USP12: variants seen among roughly 807,000 people sequenced by gnomAD.
The protein encoded by USP12 is ubiquitin specific peptidase 12.
USP12 carries 19 observed loss-of-function variants against 45.5 expected under a neutral mutation model. The ratio of observed to expected loss-of-function variants is 0.42; its 90% confidence interval spans 0.29 to 0.61. USP12 has a LOEUF of 0.61. Ranked by LOEUF, USP12 falls within the 20% of genes least tolerant of loss-of-function variation. The pLI, the probability that USP12 is intolerant of heterozygous loss-of-function variation, is 0.22. For missense variants in USP12, 242 were observed against 447.7 expected (o/e 0.54, Z 4.15); for synonymous variants, 149 against 148.8 (o/e 1.00, Z -0.01).
chr13:27,105,176 T>C (rs1323599573), intron 3 of USP12, among the ~76,000 whole-genome samples: 2 of 152,180 alleles, frequency 1.3e-5, no homozygotes, highest in Non-Finnish European at 2.9e-5. Flanking sequence ...GAGGTGGGGC[T>C]TACTCAGTAA....
At chr13:27,099,587 T>C (rs1417591367) in intron 3 of USP12, among the ~76,000 whole-genome samples, 1 of 152,226 alleles carries the variant, frequency 6.6e-6, no homozygotes, top group African/African-American at 2.4e-5. Flanking sequence ...TTTCCTTCAG[T>C]TTCACACTGC....
intron 1 of USP12, among the ~76,000 whole-genome samples, chr13:27,151,730 T>C (rs930675856): frequency 1.3e-5 from 2 of 152,016 alleles, no homozygotes; most frequent in African/African-American, 4.8e-5. Context: ...GATGATCATG[T>C]CACTACACTC....
intron 3 of USP12, 125 bp from the exon 4 acceptor site, chr13:27,095,955 T>C (rs1276457270): frequency 7.7e-6 from 5 of 651,178 alleles, no homozygotes; most frequent in Non-Finnish European, 1.2e-5. Context: ...GTTTTTGTAA[T>C]GTATAACAAA....
rs7984452 is a variant in USP12 at position 27,068,387 on chromosome 13, G to A, written c.*896C>T. The A allele has an allele frequency of 4.2e-3, 635 of 152,634 alleles. 3 individuals carry two copies. The highest frequency in any genetic ancestry group is 0.014 in the African/African-American group (601 of 41,528). The allele number at this position is 152,634 out of a possible 1,614,324, so 9.5% of individuals were successfully genotyped here. ...ATAAAAGGACAAATATTTAGCCAGAGATATCAGTTCCTCCTGAAAAAGGAT... is the reference window on the plus strand; with the variant it reads ...ATAAAAGGACAAATATTTAGCCAGAAATATCAGTTCCTCCTGAAAAAGGAT... On this transcript the variant is annotated 3_prime_UTR_variant, in exon 9 of 9. Transcript: ENST00000282344.
At chr13:27,145,224 G>C (rs549429091) in intron 1 of USP12, among the ~76,000 whole-genome samples, 4 of 152,312 alleles carry the variant, frequency 2.6e-5, no homozygotes, top group Non-Finnish European at 4.4e-5. Context: ...CTTGAAGAAT[G>C]ACAGGTGGCC....
At chr13:27,162,093 T>C (rs539815264) in intron 1 of USP12, among the ~76,000 whole-genome samples, 5 of 152,328 alleles carry the variant, frequency 3.3e-5, no homozygotes, top group African/African-American at 1.2e-4. Flanking sequence ...GTGCTTTCCA[T>C]CCTTTCCTTA....
intron 3 of USP12, among the ~76,000 whole-genome samples, chr13:27,103,604 A>T (rs868172966): frequency 3.4e-4 from 17 of 49,652 alleles, no homozygotes; most frequent in Admixed American, 7.2e-4. Context: ...CTATCAAAAA[A>T]AAAAATAATA....
intron 3 of USP12, among the ~76,000 whole-genome samples, chr13:27,102,360 G>T (rs1414503208): frequency 6.6e-6 from 1 of 152,128 alleles, no homozygotes; most frequent in Admixed American, 6.5e-5. Flanking sequence ...CTGGTCTCCT[G>T]CCTCTACTCT....
chr13:27,089,818 G>T (rs1268696127), intron 6 of USP12, 65 bp downstream of exon 6: 5 of 1,500,112 alleles, frequency 3.3e-6, no homozygotes, highest in Admixed American at 2.0e-5. Flanking sequence ...GTTTTTCTAA[G>T]CCCACCTCCA....
At chr13:27,118,732 T>A (rs558053608) in intron 1 of USP12, among the ~76,000 whole-genome samples, 2 of 152,234 alleles carry the variant, frequency 1.3e-5, no homozygotes, top group East Asian at 3.9e-4. Flanking sequence ...TACTTACCCA[T>A]CTAGAACAAT....
intron 1 of USP12, among the ~76,000 whole-genome samples, chr13:27,145,000 G>A (rs1315462959): frequency 2.0e-5 from 3 of 152,092 alleles, no homozygotes; most frequent in African/African-American, 7.2e-5. Flanking sequence ...CCAGGATGTC[G>A]AGGCTGCAGT....
At chr13:27,069,763 C>T (rs1873154153) in intron 8 of USP12, among the ~76,000 whole-genome samples, 1 of 152,188 alleles carries the variant, frequency 6.6e-6, no homozygotes, top group South Asian at 2.1e-4. Context: ...GCCTGACCAA[C>T]GTGGAGAAAC....
At chr13:27,099,559 T>G (rs1874766999) in intron 3 of USP12, among the ~76,000 whole-genome samples, 1 of 152,216 alleles carries the variant, frequency 6.6e-6, no homozygotes, top group African/African-American at 2.4e-5. Context: ...CTCCCTTCAC[T>G]TAACCCACTA....
intron 6 of USP12, among the ~76,000 whole-genome samples, chr13:27,087,513 A>C (rs1874115558): frequency 1.3e-5 from 2 of 152,220 alleles, no homozygotes; most frequent in Non-Finnish European, 2.9e-5. Context: ...AAGAGAAATA[A>C]ATGCAGATGT....
intron 1 of USP12, among the ~76,000 whole-genome samples, chr13:27,156,708 G>C (rs183093244): frequency 6.6e-5 from 10 of 152,158 alleles, no homozygotes; most frequent in Admixed American, 5.9e-4. Flanking sequence ...GTAATCCCAG[G>C]TACTCAGGAG....
chr13:27,075,533 A>G lies in USP12; in HGVS notation c.735-145T>C, dbSNP rs947772464. 4 of 709,024 alleles carry G rather than the reference A, an allele frequency of 5.6e-6. No individual in the cohort carries two copies. The African/African-American group carries it at 7.2e-5, about 13-fold the overall frequency. 43.9% of individuals were successfully genotyped at this position (709,024 alleles called of 1,614,324 possible). ...ATGCCCAGTTTTGCACATTTCTATC[A>G]ATTATTTTTATACTGACAAAACAAC... On this transcript the variant is annotated intron_variant, in intron 6 of 8. Coordinates refer to ENST00000282344, the MANE Select transcript of USP12 (RefSeq NM_182488.4).
At chr13:27,095,574 C>A in intron 4 of USP12, 27 bp downstream of exon 4, 1 of 1,480,586 alleles carries the variant, frequency 6.8e-7, no homozygotes, top group South Asian at 1.3e-5. Flanking sequence ...CAATTTTTCT[C>A]TATACAAAAT....
rs75489155 is a variant in USP12, at chr13:27,121,480, A to T, written c.49-4884T>A. 1.9e-3 allele frequency among the ~76,000 whole-genome samples: 293 copies of T among 152,354 alleles called. 3 individuals are homozygous for T. In the East Asian group the frequency reaches 0.034, roughly 18 times the overall value. ...AATACAAGCCAAGAGATTTGAGTTCATAAGTCAAAAATTACAAAAACACAC... is the reference window on the plus strand; with the variant it reads ...AATACAAGCCAAGAGATTTGAGTTCTTAAGTCAAAAATTACAAAAACACAC... On this transcript the variant is annotated intron_variant, in intron 1 of 8. Transcript: ENST00000282344.
chr13:27,117,796 C>G (rs1291914496), intron 1 of USP12: 1 of 518,282 alleles, frequency 1.9e-6, no homozygotes, highest in Non-Finnish European at 3.8e-6. Context: ...GTCACAGTTT[C>G]AAGAACGTGA....
Sources: allele counts gnomAD v4.1 joint callset (sites outside exome capture counted in the v4.1 genomes callset), GRCh38; gene constraint gnomAD v4.1.1; transcripts MANE v1.5; gene names NCBI Gene and HGNC (gene_info 2026-07-23, HGNC 2026-07-21).